Variants in RAP1GDS1 observed in about 807,000 individuals in gnomAD.
RAP1GDS1 encodes the protein Rap1 GTPase-GDP dissociation stimulator 1.
Under a neutral mutation model 71.1 loss-of-function variants are expected in RAP1GDS1, and 35 were observed. The observed-to-expected ratio is 0.49, with a 90% CI of 0.38 to 0.65. The LOEUF (loss-of-function observed/expected upper bound fraction) is 0.65. Among genes scored for constraint, RAP1GDS1 ranks in the 30% least tolerant of loss-of-function variants. The probability of loss-of-function intolerance (pLI) is 0.00; values close to 1 mark genes in which losing one functional copy is unlikely to be tolerated. For missense variants in RAP1GDS1, 663 were observed against 706.1 expected, an observed-to-expected ratio of 0.94 and a Z score of 0.69; for synonymous variants, 229 against 243.1, an observed-to-expected ratio of 0.94 and a Z score of 0.54.
At chr4:98,297,561 C>A (rs1281355153) in intron 2 of RAP1GDS1, among the ~76,000 whole-genome samples, 4 of 152,050 alleles carry the variant, frequency 2.6e-5, no homozygotes, top group Non-Finnish European at 5.9e-5. Context: ...TTTGATGTTA[C>A]TATTGTGATT....
chr4:98,283,356 T>G (rs1725465496), intron 1 of RAP1GDS1, among the ~76,000 whole-genome samples: 1 of 152,166 alleles, frequency 6.6e-6, no homozygotes, highest in African/African-American at 2.4e-5. Flanking sequence ...GGTGGTAAGC[T>G]CTAATAAAAA....
intron 7 of RAP1GDS1, among the ~76,000 whole-genome samples, chr4:98,416,487 CA>C (rs1748041013): frequency 6.6e-6 from 1 of 151,502 alleles, no homozygotes; most frequent in Non-Finnish European, 1.5e-5. Flanking sequence ...GCTGTGACTA[CA>C]GGCGCCTGCC....
At chr4:98,324,010 T>G (rs1183693359) in intron 2 of RAP1GDS1, among the ~76,000 whole-genome samples, 2 of 150,136 alleles carry the variant, frequency 1.3e-5, no homozygotes, top group Non-Finnish European at 3.0e-5. Flanking sequence ...ACATGATTGT[T>G]TATCTAGAAA....
chr4:98,317,868 A>C (rs1292858135), intron 2 of RAP1GDS1, among the ~76,000 whole-genome samples: 3 of 148,382 alleles, frequency 2.0e-5, no homozygotes, highest in Non-Finnish European at 4.5e-5. Context: ...TTGAGACAGA[A>C]TCTTGCTCTG....
intron 4 of RAP1GDS1, among the ~76,000 whole-genome samples, chr4:98,360,362 C>A (rs954632930): frequency 6.6e-6 from 1 of 151,616 alleles, no homozygotes; most frequent in Admixed American, 6.6e-5. Context: ...CCCAACCCCA[C>A]CCCCATTCTC....
chr4:98,274,760 A>T (rs747232772), intron 1 of RAP1GDS1, among the ~76,000 whole-genome samples: 14 of 152,206 alleles, frequency 9.2e-5, no homozygotes, highest in Non-Finnish European at 1.8e-4. Flanking sequence ...ACTAAGCAGT[A>T]TCATTAATAT....
At chr4:98,383,283 G>A (rs987137508) in intron 5 of RAP1GDS1, among the ~76,000 whole-genome samples, 2 of 151,432 alleles carry the variant, frequency 1.3e-5, no homozygotes, top group African/African-American at 4.8e-5. Flanking sequence ...TTTTACGTAA[G>A]CTATGCCATA....
At chr4:98,388,810 T>C (rs1743165201) in intron 5 of RAP1GDS1, among the ~76,000 whole-genome samples, 1 of 152,176 alleles carries the variant, frequency 6.6e-6, no homozygotes, top group Admixed American at 6.5e-5. Context: ...CTAAAAATTA[T>C]AGAAGACCTA....
At chr4:98,359,219 G>A (rs1171556001) in intron 4 of RAP1GDS1, among the ~76,000 whole-genome samples, 4 of 152,034 alleles carry the variant, frequency 2.6e-5, no homozygotes, top group Non-Finnish European at 4.4e-5. Flanking sequence ...GTGGGAATTC[G>A]TATTTGTTGG....
chr4:98,326,073 A>G (rs1397543633), intron 2 of RAP1GDS1, among the ~76,000 whole-genome samples: 2 of 152,200 alleles, frequency 1.3e-5, no homozygotes, highest in Non-Finnish European at 2.9e-5. Flanking sequence ...CTGTTCAGTA[A>G]CAATCACAGT....
intron 7 of RAP1GDS1, among the ~76,000 whole-genome samples, chr4:98,406,044 CTAAAG>C (rs1746065939): frequency 6.6e-6 from 1 of 151,858 alleles, no homozygotes; most frequent in East Asian, 1.9e-4. Context: ...AAGGTGACTA[CTAAAG>C]TAATTTTTTA....
At chr4:98,397,903 A>G (rs1744785491) in intron 6 of RAP1GDS1, among the ~76,000 whole-genome samples, 1 of 152,096 alleles carries the variant, frequency 6.6e-6, no homozygotes, top group African/African-American at 2.4e-5. Flanking sequence ...TTATTGCCCC[A>G]TTTGTCTCCC....
intron 2 of RAP1GDS1, among the ~76,000 whole-genome samples, chr4:98,301,126 T>A (rs1264395218): frequency 1.3e-5 from 2 of 152,196 alleles, no homozygotes; most frequent in Non-Finnish European, 2.9e-5. Context: ...TTTTATCTAG[T>A]GTTATCAAAT....
intron 1 of RAP1GDS1, among the ~76,000 whole-genome samples, chr4:98,279,184 A>G (rs1724684568): frequency 6.6e-6 from 1 of 152,078 alleles, no homozygotes; most frequent in African/African-American, 2.4e-5. Flanking sequence ...AGATCGCACC[A>G]CTGCACTCCA....
At chr4:98,285,911 T>TAAA (rs1306297337) in intron 1 of RAP1GDS1, among the ~76,000 whole-genome samples, 1 of 147,618 alleles carries the variant, frequency 6.8e-6, no homozygotes, top group African/African-American at 2.5e-5. Context: ...TTATAAATTA[T>TAAA]TTATAATATT....
At chr4:98,363,212 G>A (rs1739000775) in intron 4 of RAP1GDS1, among the ~76,000 whole-genome samples, 1 of 152,040 alleles carries the variant, frequency 6.6e-6, no homozygotes, top group African/African-American at 2.4e-5. Flanking sequence ...ATTGAGCTAA[G>A]TGTGGTGGCT....
chr4:98,436,079 AAT>A (rs770519660), intron 13 of RAP1GDS1, among the ~76,000 whole-genome samples: 148 of 142,902 alleles, frequency 1.0e-3, no homozygotes, highest in East Asian at 1.8e-3. Flanking sequence ...TCAAAAAAAA[AAT>A]ATATATATAT....
chr4:98,362,505 G>C (rs945587996), intron 4 of RAP1GDS1, among the ~76,000 whole-genome samples: 1 of 151,870 alleles, frequency 6.6e-6, no homozygotes, highest in Non-Finnish European at 1.5e-5. Flanking sequence ...ATGTAGGTAT[G>C]TCTATTACCA....
At chr4:98,370,472 ACCT>A (rs1327707667) in intron 4 of RAP1GDS1, among the ~76,000 whole-genome samples, 1 of 151,070 alleles carries the variant, frequency 6.6e-6, no homozygotes, top group African/African-American at 2.4e-5. Context: ...TTTTATATAA[ACCT>A]CCTTTCTCCT....
Sources: allele counts gnomAD v4.1 joint callset (sites outside exome capture counted in the v4.1 genomes callset), GRCh38; gene constraint gnomAD v4.1.1; transcripts MANE v1.5; gene names NCBI Gene and HGNC (gene_info 2026-07-23, HGNC 2026-07-21).